Variants in GNA11 observed in about 807,000 individuals in gnomAD.
The protein encoded by GNA11 is guanine nucleotide-binding protein subunit alpha-11.
GNA11 carries 8 observed loss-of-function variants against 38.2 expected under a neutral mutation model. The observed-to-expected ratio is 0.21, with a 90% CI of 0.12 to 0.38. GNA11 has a LOEUF of 0.38. GNA11 is among the 10% of genes least tolerant of loss of function. The pLI, the probability that GNA11 is intolerant of heterozygous loss-of-function variation, is 1.00. For missense variants in GNA11, 268 were observed against 516.3 expected, an observed-to-expected ratio of 0.52 and a Z score of 4.66; for synonymous variants, 211 against 221.4, an observed-to-expected ratio of 0.95 and a Z score of 0.42.
chr19:3,123,965 C>T lies in GNA11; in HGVS notation c.*2786C>T, dbSNP rs190062984. ...TTTCATATCTTTCTCCTGAAATGAA[C>T]TCTGTTTTAAATTGGAATAAATTTT... On this transcript the variant is annotated 3_prime_UTR_variant, in exon 7 of 7. Coordinates refer to ENST00000078429, the MANE Select transcript of GNA11 (RefSeq NM_002067.5). 585 of 226,106 alleles carry T rather than the reference C, an allele frequency of 2.6e-3. 8 individuals carry two copies. Among genetic ancestry groups the T allele is most frequent in the Admixed American group, 7.1e-3 (124 of 17,490 alleles). The allele number at this position is 226,106 out of a possible 1,614,324, so 14.0% of individuals were successfully genotyped here.
chr19:3,116,698 C>T (rs1421782509), intron 4 of GNA11, among the ~76,000 whole-genome samples: 1 of 152,232 alleles, frequency 6.6e-6, no homozygotes, highest in Admixed American at 6.5e-5. Context: ...CGCTAGACGG[C>T]TCTGTCCTGG....
Position 3,122,953 on chromosome 19 carries a change from C to T in GNA11, c.*1774C>T, listed in dbSNP as rs1914122665. 3 of 233,444 alleles carry T rather than the reference C, an allele frequency of 1.3e-5. No individual in the cohort carries two copies. The highest frequency in any genetic ancestry group is 2.5e-5 in the Non-Finnish European group (3 of 118,302). 14.5% of individuals were successfully genotyped at this position (233,444 alleles called of 1,614,324 possible). On this transcript the variant is annotated 3_prime_UTR_variant, in exon 7 of 7. Transcript: ENST00000078429. This position sits in a 1 kb window ranked among gnomAD's most constrained non-coding sequence, Gnocchi z 7.7. ...ACGGGGCTGGCGGGATACCCCCCCCCCGGCTTCCCCACACCACTTCTGTCT... is the reference window on the plus strand; with the variant it reads ...ACGGGGCTGGCGGGATACCCCCCCCTCGGCTTCCCCACACCACTTCTGTCT...
chr19:3,105,754 C>A (rs1299839448), intron 1 of GNA11, among the ~76,000 whole-genome samples: 1 of 152,334 alleles, frequency 6.6e-6, no homozygotes, highest in East Asian at 1.9e-4. Context: ...GAGCAGCGGT[C>A]TGTGCGTGGG....
chr19:3,115,868 GGC>G (rs1466850269), intron 4 of GNA11, among the ~76,000 whole-genome samples: 7 of 140,678 alleles, frequency 5.0e-5, no homozygotes, highest in South Asian at 2.3e-4. Flanking sequence ...TAGGGACTGA[GGC>G]TGTGAGGGGA....
In GNA11 at chr19:3,094,597, C is replaced by T. The variant is rs1599293033; in HGVS notation, c.-55C>T. ...CGAGGCGGCTCCGGCCAGGGCCGGG[C>T]CGGGGGCCGGGGGGCGGCGGCGGGC... On this transcript the variant is annotated 5_prime_UTR_variant, in exon 1 of 7. Transcript: ENST00000078429. This position sits in a 1 kb window ranked among gnomAD's most constrained non-coding sequence, Gnocchi z 6.0. The T allele has an allele frequency of 2.2e-6, 2 of 929,396 alleles. No individual in the cohort carries two copies. The highest frequency in any genetic ancestry group is 2.6e-6 in the Non-Finnish European group (2 of 768,472). The allele number at this position is 929,396 out of a possible 1,614,324, so 57.6% of individuals were successfully genotyped here.
chr19:3,104,888 G>A lies in GNA11; in HGVS notation c.137-5261G>A, dbSNP rs78988906. ...TGGATTTCTGCAGTGGGGGTTCTCC[G>A]GGCGTTTGGGAAGGGGAAGGACCTG... On this transcript the variant is annotated intron_variant, in intron 1 of 6. Coordinates refer to ENST00000078429, the MANE Select transcript of GNA11 (RefSeq NM_002067.5). Among the ~76,000 whole-genome samples the A allele has an allele frequency of 3.3e-3, 504 of 152,256 alleles. 2 individuals are homozygous for A. The highest frequency in any genetic ancestry group is 0.011 in the African/African-American group (476 of 41,538).
At position 3,122,108 on chromosome 19, in the gene GNA11, G is replaced by A. The variant is rs1381066577; in HGVS notation, c.*929G>A. The stretch of plus-strand genomic sequence containing the variant: ...GCCCACGTGGGCTGGGCGGCTGGAG[G>A]GATGGTCCCCCGGTGACACTGGGAG... On this transcript the variant is annotated 3_prime_UTR_variant, in exon 7 of 7. Transcript: ENST00000078429. This position sits in a 1 kb window ranked among gnomAD's most constrained non-coding sequence, Gnocchi z 7.7. The A allele has an allele frequency of 8.6e-6, 2 of 233,262 alleles. No homozygotes were observed. The highest frequency in any genetic ancestry group is 1.1e-4 in the Admixed American group (2 of 17,768). 14.4% of individuals were successfully genotyped at this position (233,262 alleles called of 1,614,324 possible). A position where few individuals can be genotyped will look rare whatever the true frequency, so the allele number is the denominator to read the frequency against.
intron 2 of GNA11, among the ~76,000 whole-genome samples, chr19:3,112,966 C>G (rs1188404483): frequency 6.6e-6 from 1 of 152,184 alleles, no homozygotes; most frequent in Non-Finnish European, 1.5e-5. Context: ...CTTGGTCGTG[C>G]TCGGCGCTGC....
At chr19:3,105,578 G>A (rs973936224) in intron 1 of GNA11, among the ~76,000 whole-genome samples, 3 of 152,108 alleles carry the variant, frequency 2.0e-5, no homozygotes, top group Middle Eastern at 3.2e-3. Flanking sequence ...CAAGAGCTCC[G>A]TGGCGGAAGA....
At position 3,108,295 on chromosome 19, in the gene GNA11, A is replaced by T. The variant is rs1391692856; in HGVS notation, c.137-1854A>T. Among the ~76,000 whole-genome samples, 1 of 152,160 alleles carries T rather than the reference A, an allele frequency of 6.6e-6. No homozygotes were observed. Among genetic ancestry groups the T allele is most frequent in the African/African-American group, 2.4e-5 (1 of 41,450 alleles). On this transcript the variant is annotated intron_variant, in intron 1 of 6. Coordinates refer to ENST00000078429, the MANE Select transcript of GNA11 (RefSeq NM_002067.5). The surrounding 1 kb of genome is among the most constrained non-coding windows in gnomAD (Gnocchi z 4.5). ...AGGCACCTGTGCAAAGATATCTACCATGGGCAGCAAGGAAGGTTCCAGAAA... is the reference window on the plus strand; with the variant it reads ...AGGCACCTGTGCAAAGATATCTACCTTGGGCAGCAAGGAAGGTTCCAGAAA...
Position 3,121,339 on chromosome 19 carries a change from TCA to T in GNA11, c.*163_*164del, listed in dbSNP as rs1417589738. The T allele has an allele frequency of 3.4e-5, 20 of 584,664 alleles. No individual in the cohort carries two copies. Among genetic ancestry groups the T allele is most frequent in the South Asian group, 3.2e-4 (15 of 47,498 alleles). 36.2% of individuals were successfully genotyped at this position (584,664 alleles called of 1,614,324 possible). On this transcript the variant is annotated 3_prime_UTR_variant, in exon 7 of 7. Transcript: ENST00000078429. Reference sequence around the variant, plus strand: ...ATATTTTTAACAAATGGTTTTTATTTCACAGTTATCAGGGGATGTACATCTCT... The same window carrying T: ...ATATTTTTAACAAATGGTTTTTATTTCAGTTATCAGGGGATGTACATCTCT...
At chr19:3,102,593 T>A (rs1261885919) in intron 1 of GNA11, among the ~76,000 whole-genome samples, 1 of 151,684 alleles carries the variant, frequency 6.6e-6, no homozygotes, top group Non-Finnish European at 1.5e-5. Context: ...CCATTAGGGG[T>A]CGTGTGACTT....
chr19:3,109,423 G>A (rs1305193540), intron 1 of GNA11, among the ~76,000 whole-genome samples: 10 of 152,312 alleles, frequency 6.6e-5, no homozygotes, highest in African/African-American at 1.7e-4. Flanking sequence ...CCATCAGTGT[G>A]CCCATCTCTG....
intron 1 of GNA11, among the ~76,000 whole-genome samples, chr19:3,109,516 C>T (rs1396155247): frequency 6.6e-6 from 1 of 152,194 alleles, no homozygotes; most frequent in Non-Finnish European, 1.5e-5. Context: ...TAAAGGGGTT[C>T]AGGGATGTGC....
At chr19:3,118,729 C>G (rs765848253) in intron 4 of GNA11, 195 bp from the exon 5 acceptor site, 3 of 587,324 alleles carry the variant, frequency 5.1e-6, no homozygotes, top group African/African-American at 1.9e-5. Flanking sequence ...AGGGAAGGGT[C>G]TGCGGTGGTC....
intron 1 of GNA11, among the ~76,000 whole-genome samples, chr19:3,106,486 C>A (rs956206038): frequency 5.3e-5 from 8 of 152,252 alleles, no homozygotes; most frequent in African/African-American, 1.9e-4. Flanking sequence ...TGGCCAGCAC[C>A]TCAGGGCCAC....
At chr19:3,116,164 G>A (rs1913915954) in intron 4 of GNA11, among the ~76,000 whole-genome samples, 1 of 152,122 alleles carries the variant, frequency 6.6e-6, no homozygotes, top group Non-Finnish European at 1.5e-5. Context: ...ACCCTCAGTG[G>A]GTCCTGTGTC....
intron 1 of GNA11, among the ~76,000 whole-genome samples, chr19:3,100,929 G>A (rs1456780251): frequency 2.0e-5 from 3 of 152,192 alleles, no homozygotes; most frequent in Non-Finnish European, 2.9e-5. Context: ...GCTTTGCACC[G>A]AAAAGCTGCG....
intron 1 of GNA11, among the ~76,000 whole-genome samples, chr19:3,101,353 C>T (rs1370281355): frequency 6.6e-6 from 1 of 151,810 alleles, no homozygotes; most frequent in Non-Finnish European, 1.5e-5. Flanking sequence ...GGGATGAGTG[C>T]AGCCCCCACG....
Sources: gnomAD v4.1 joint callset for allele counts (sites outside exome capture counted in the v4.1 genomes callset) on GRCh38, gnomAD v4.1.1 for gene constraint, Gnocchi (gnomAD v3.1) non-coding constraint, MANE v1.5 for transcripts, NCBI Gene and HGNC (gene_info 2026-07-23, HGNC 2026-07-21) for gene names.